The following TEK variants were observed in gnomAD, a reference collection of about 807,000 sequenced individuals.
TEK encodes the protein TEK receptor tyrosine kinase.
TEK carries 43 observed loss-of-function variants against 131.8 expected under a neutral mutation model. The observed-to-expected ratio is 0.33, with a 90% CI of 0.26 to 0.42. TEK has a LOEUF of 0.42. Ranked by LOEUF, TEK falls within the 10% of genes least tolerant of loss-of-function variation. The pLI, the probability that TEK is intolerant of heterozygous loss-of-function variation, is 1.00. For missense variants in TEK, 1,162 were observed against 1,384.4 expected, an observed-to-expected ratio of 0.84 and a Z score of 2.55; for synonymous variants, 580 against 491.6, an observed-to-expected ratio of 1.18 and a Z score of -2.38.
chr9:27,222,464 GAAAGGTCAGGTTACCCAC>G (rs1441925024), intron 21 of TEK, among the ~76,000 whole-genome samples: 1 of 152,180 alleles, frequency 6.6e-6, no homozygotes, highest in East Asian at 1.9e-4. Flanking sequence ...CAGCCAGAGA[GAAAGGTCAGGTTACCCAC>G]AAAGGGAAGC....
At chr9:27,165,910 G>A (rs1205955965) in intron 2 of TEK, among the ~76,000 whole-genome samples, 1 of 152,282 alleles carries the variant, frequency 6.6e-6, no homozygotes, top group Non-Finnish European at 1.5e-5. Flanking sequence ...GCCGATGAAA[G>A]CAAGCAGGCA....
At chr9:27,161,962 A>G (rs2131128391) in intron 2 of TEK, among the ~76,000 whole-genome samples, 1 of 152,354 alleles carries the variant, frequency 6.6e-6, no homozygotes, top group African/African-American at 2.4e-5. Flanking sequence ...TTCCGACTCA[A>G]TTGTAGAAAT....
intron 6 of TEK, among the ~76,000 whole-genome samples, chr9:27,174,705 C>T (rs956770941): frequency 7.2e-5 from 11 of 152,136 alleles, no homozygotes; most frequent in African/African-American, 2.7e-4. Context: ...TCAGTTCCCT[C>T]TAAATGCTAT....
intron 18 of TEK, among the ~76,000 whole-genome samples, chr9:27,214,805 C>T (rs936009535): frequency 1.3e-5 from 2 of 152,164 alleles, no homozygotes; most frequent in African/African-American, 4.8e-5. Context: ...GCATGCTTAT[C>T]AACATCAACA....
rs115728128 is a variant in TEK at position 27,166,004 on chromosome 9, C to T, written c.365-2491C>T. 3.7e-3 allele frequency among the ~76,000 whole-genome samples: 562 copies of T among 152,376 alleles called. 1 individual carries two copies. The highest frequency in any genetic ancestry group is 0.013 in the African/African-American group (536 of 41,592). On this transcript the variant is annotated intron_variant, in intron 2 of 22. Transcript: ENST00000380036. The stretch of plus-strand genomic sequence containing the variant: ...TAGTTGTCTCAGCCAGTGGCGCGCA[C>T]AGCGCTTGATTAGTCTTTCTCAAAC...
At chr9:27,114,195 CAGTA>C (rs566147539) in intron 1 of TEK, among the ~76,000 whole-genome samples, 2 of 152,270 alleles carry the variant, frequency 1.3e-5, no homozygotes, top group South Asian at 4.1e-4. Flanking sequence ...TTTATGGTCA[CAGTA>C]AGAAAATGTT....
intron 11 of TEK, among the ~76,000 whole-genome samples, chr9:27,196,502 C>A (rs1160873493): frequency 6.6e-6 from 1 of 152,162 alleles, no homozygotes; most frequent in Non-Finnish European, 1.5e-5. Flanking sequence ...ATTGACTCCA[C>A]CCTTGTATTA....
rs375976785 is a variant in TEK, at chr9:27,149,956, A to T, written c.53-7875A>T. ...TCCTGAGACAAAGTGAGTAGGGAAG[A>T]TGATGAGGCAGCACTGCCAGGCTTA... On this transcript the variant is annotated intron_variant, in intron 1 of 22. Coordinates refer to ENST00000380036, the MANE Select transcript of TEK (RefSeq NM_000459.5). Among the ~76,000 whole-genome samples the T allele has an allele frequency of 2.6e-5, 4 of 152,268 alleles. No individual in the cohort carries two copies. In the East Asian group the frequency reaches 7.7e-4, roughly 29 times the overall value.
intron 1 of TEK, among the ~76,000 whole-genome samples, chr9:27,136,315 C>T (rs1587499561): frequency 6.6e-6 from 1 of 152,090 alleles, no homozygotes; most frequent in Non-Finnish European, 1.5e-5. Context: ...CACCTGAACT[C>T]GTGATCCACC....
intron 1 of TEK, among the ~76,000 whole-genome samples, chr9:27,137,816 G>A (rs1408136592): frequency 6.6e-6 from 1 of 151,870 alleles, no homozygotes; most frequent in African/African-American, 2.4e-5. Context: ...TTTTCTCTCT[G>A]CCTTTCCTGG....
chr9:27,170,871 C>T (rs960337192), intron 4 of TEK, among the ~76,000 whole-genome samples: 4 of 152,266 alleles, frequency 2.6e-5, no homozygotes, highest in South Asian at 4.1e-4. Flanking sequence ...ACGTACTACA[C>T]GTTACAGGCA....
intron 2 of TEK, among the ~76,000 whole-genome samples, chr9:27,158,861 A>T (rs985455980): frequency 6.6e-6 from 1 of 152,122 alleles, no homozygotes; most frequent in Non-Finnish European, 1.5e-5. Context: ...GGGTGTCACC[A>T]TATTGGCCAG....
intron 18 of TEK, 51 bp from the exon 19 acceptor site, chr9:27,217,637 C>A: frequency 1.3e-6 from 2 of 1,555,632 alleles, no homozygotes; most frequent in Non-Finnish European, 1.8e-6. Context: ...GGCTGAGAGC[C>A]TCTTAAAGAC....
Position 27,180,303 on chromosome 9 carries a change from T to G in TEK, c.965T>G (p.Met322Arg). The G allele has an allele frequency of 1.2e-6, 2 of 1,613,880 alleles. No individual in the cohort carries two copies. The highest frequency in any genetic ancestry group is 1.7e-6 in the Non-Finnish European group (2 of 1,179,896). ...KLRCSCNNGE[M>R]CDRFQGCLCS... is the part of the protein sequence containing the mutation. ...AGGTGCAGCTGCAACAATGGGGAGA[T>G]GTGTGATCGCTTCCAAGGATGTCTC... The change falls in exon 7 of 23, where the codon ATG becomes AGG. Residue 322 changes from methionine (M) to arginine (R), a missense_variant. Physicochemically the swap from Met to Arg is moderately conservative, Grantham distance 91 (BLOSUM62 -1). This residue lies in a region of TEK where 436 missense variants were observed against 539.1 expected (regional missense o/e 0.81). Transcript: ENST00000380036.
chr9:27,158,596 T>C (rs1823426881), intron 2 of TEK, among the ~76,000 whole-genome samples: 1 of 152,084 alleles, frequency 6.6e-6, no homozygotes, highest in Non-Finnish European at 1.5e-5. Flanking sequence ...ATAAGAATTT[T>C]AGAAGGGGAA....
In TEK at chr9:27,220,064, G is replaced by A; in HGVS notation, c.3119G>A (p.Cys1040Tyr). 1.2e-6 allele frequency: 2 copies of A among 1,614,080 alleles called. No homozygotes were observed. Among genetic ancestry groups the A allele is most frequent in the South Asian group, 1.1e-5 (1 of 91,086 alleles). The change falls in exon 21 of 23, where the codon TGC becomes TAC. Residue 1040 changes from cysteine to tyrosine, a missense_variant. This residue lies in a region of TEK where 107 missense variants were observed against 173.9 expected (regional missense o/e 0.62). Coordinates refer to ENST00000380036, the MANE Select transcript of TEK (RefSeq NM_000459.5). ...TGTCTTCCAGGAGGCACACCCTACT[G>A]CGGGATGACTTGTGCAGAACTCTAC... ...EIVSLGGTPY[C>Y]GMTCAELYEK...
In TEK at chr9:27,213,547, G is replaced by A. The variant is rs774649395; in HGVS notation, c.2941G>A (p.Ala981Thr). The A allele has an allele frequency of 6.2e-7, 1 of 1,614,024 alleles. No homozygotes were observed. Among genetic ancestry groups the A allele is most frequent in the East Asian group, 2.2e-5 (1 of 44,874 alleles). Reference sequence around the variant, plus strand: ...TGGTGAAAACTATGTGGCAAAAATAGCAGATTTTGGATTGTCCCGAGGTCA... The same window carrying A: ...TGGTGAAAACTATGTGGCAAAAATAACAGATTTTGGATTGTCCCGAGGTCA... ...LVGENYVAKI[A>T]DFGLSRGQEV... is the part of the protein sequence containing the mutation. The change falls in exon 18 of 23, where the codon GCA becomes ACA. Residue 981 changes from alanine (A) to threonine (T), a missense_variant. By Grantham distance (58) the Ala-to-Thr change is moderately conservative. Transcript: ENST00000380036.
intron 1 of TEK, among the ~76,000 whole-genome samples, chr9:27,138,406 C>G (rs1330731309): frequency 1.3e-5 from 2 of 151,874 alleles, no homozygotes; most frequent in African/African-American, 2.4e-5. Context: ...GCTGATTGGT[C>G]CATTTTACAG....
intron 1 of TEK, among the ~76,000 whole-genome samples, chr9:27,113,545 G>A (rs137973296): frequency 0.016 from 2,482 of 152,136 alleles, 57 homozygotes; most frequent in African/African-American, 0.056. Flanking sequence ...CTGAGATCAC[G>A]CCATTGTACT....
Sources: allele counts gnomAD v4.1 joint callset (sites outside exome capture counted in the v4.1 genomes callset), GRCh38; gene constraint gnomAD v4.1.1; regional missense constraint gnomAD v4.1.1; transcripts MANE v1.5; gene names NCBI Gene and HGNC (gene_info 2026-07-23, HGNC 2026-07-21).